RALGPS2: variants seen among roughly 807,000 people sequenced by gnomAD.
RALGPS2 encodes ras-specific guanine nucleotide-releasing factor RalGPS2.
A neutral mutation model predicts 86.8 loss-of-function variants in RALGPS2; 43 were observed. The ratio of observed to expected loss-of-function variants is 0.50; its 90% CI spans 0.39 to 0.64. The LOEUF is 0.64. Ranked by LOEUF, RALGPS2 falls within the 30% of genes least tolerant of loss-of-function variation. The probability of loss-of-function intolerance (pLI) is 0.00; values close to 1 mark genes in which losing one functional copy is unlikely to be tolerated. For synonymous variants in RALGPS2, 243 were observed against 231.3 expected (o/e 1.05, Z -0.46); for missense variants, 536 against 694.6 (o/e 0.77, Z 2.57).
intron 14 of RALGPS2, among the ~76,000 whole-genome samples, chr1:178,891,332 A>G (rs1659703081): frequency 6.6e-6 from 1 of 152,146 alleles, no homozygotes; most frequent in Non-Finnish European, 1.5e-5. Flanking sequence ...GAACTAGGAT[A>G]TAAAGTACTA....
chr1:178,901,019 G>A (rs986929386), intron 17 of RALGPS2, among the ~76,000 whole-genome samples: 3 of 152,064 alleles, frequency 2.0e-5, no homozygotes, highest in Non-Finnish European at 4.4e-5. Flanking sequence ...CAGCAGTCCT[G>A]TGGTAGGGCC....
chr1:178,900,860 G>C (rs1188112820), intron 17 of RALGPS2, among the ~76,000 whole-genome samples: 1 of 152,020 alleles, frequency 6.6e-6, no homozygotes, highest in Non-Finnish European at 1.5e-5. Flanking sequence ...TTGCACTCTA[G>C]TTTCATCCCT....
At position 178,728,485 on chromosome 1, in the gene RALGPS2, GAT is replaced by G. The variant is rs568448059; in HGVS notation, c.-84+3069_-84+3070del. 1.3e-3 allele frequency among the ~76,000 whole-genome samples: 185 copies of G among 145,238 alleles called. 1 individual carries two copies. The highest frequency in any genetic ancestry group is 4.3e-3 in the African/African-American group (169 of 39,372). ...TTAATGATACACAGTTTGAGAATAA[GAT>G]ATTGAAGTGTATCCATTTTTTGAAT... is the stretch of plus-strand genomic sequence containing the variant. On this transcript the variant is annotated intron_variant, in intron 1 of 19. Coordinates refer to ENST00000367635, the MANE Select transcript of RALGPS2 (RefSeq NM_152663.5).
At chr1:178,866,998 C>A (rs1029296767) in intron 8 of RALGPS2, among the ~76,000 whole-genome samples, 6 of 152,026 alleles carry the variant, frequency 3.9e-5, no homozygotes, top group African/African-American at 1.5e-4. Context: ...TATTACAGGC[C>A]ACCTTTTCAC....
chr1:178,853,264 G>C lies in RALGPS2; in HGVS notation c.607+19714G>C, dbSNP rs115780127. 8.8e-4 allele frequency: 842 copies of C among 958,214 alleles called. 9 individuals are homozygous for C. The African/African-American group carries it at 0.013, about 15-fold the overall frequency. The allele number at this position is 958,214 out of a possible 1,614,324, so 59.4% of individuals were successfully genotyped here. On this transcript the variant is annotated intron_variant, in intron 8 of 19. Coordinates refer to ENST00000367635, the MANE Select transcript of RALGPS2 (RefSeq NM_152663.5). ...AAAATATTAGCTAGTATACTACCCA[G>C]ATCCTTAAAAAGGGTTCCTGGTCTC...
intron 13 of RALGPS2, among the ~76,000 whole-genome samples, chr1:178,889,343 G>A (rs1227917328): frequency 1.3e-5 from 2 of 151,872 alleles, no homozygotes; most frequent in Admixed American, 6.6e-5. Flanking sequence ...GTTATTTTAT[G>A]TTCTCTAATG....
intron 1 of RALGPS2, among the ~76,000 whole-genome samples, chr1:178,760,781 T>C (rs148037884): frequency 3.9e-4 from 59 of 152,332 alleles, no homozygotes; most frequent in Non-Finnish European, 6.8e-4. Flanking sequence ...ATGTTCATTT[T>C]GCATAGTGTC....
chr1:178,740,878 C>T (rs1487388752), intron 1 of RALGPS2, among the ~76,000 whole-genome samples: 6 of 152,114 alleles, frequency 3.9e-5, no homozygotes, highest in Non-Finnish European at 7.4e-5. Flanking sequence ...TTGGGCAAAT[C>T]GCTTAAACTC....
chr1:178,800,928 C>CTT (rs200726651), intron 4 of RALGPS2, among the ~76,000 whole-genome samples: 10 of 142,546 alleles, frequency 7.0e-5, no homozygotes, highest in Admixed American at 7.1e-5. Context: ...TATTCCCAAT[C>CTT]TTTTTTTTTT....
Position 178,776,685 on chromosome 1 carries a change from T to A in RALGPS2, c.-80T>A. 6.2e-6 allele frequency: 6 copies of A among 974,758 alleles called. No homozygotes were observed. The highest frequency in any genetic ancestry group is 7.5e-6 in the Non-Finnish European group (5 of 662,990). The allele number at this position is 974,758 out of a possible 1,614,324, so 60.4% of individuals were successfully genotyped here. On this transcript the variant is annotated 5_prime_UTR_variant, in exon 2 of 20. Coordinates refer to ENST00000367635, the MANE Select transcript of RALGPS2 (RefSeq NM_152663.5). Reference sequence around the variant, plus strand: ...TAACTTTTTTTTTTTTTTACAGGAATAATGTATTTGTGGCCTTGGACATGA... The same window carrying A: ...TAACTTTTTTTTTTTTTTACAGGAAAAATGTATTTGTGGCCTTGGACATGA...
At chr1:178,756,263 G>A (rs1651951300) in intron 1 of RALGPS2, among the ~76,000 whole-genome samples, 1 of 151,968 alleles carries the variant, frequency 6.6e-6, no homozygotes, top group Non-Finnish European at 1.5e-5. Context: ...GTGTTTCCTA[G>A]GTTTTTTTCT....
chr1:178,811,120 C>T (rs906822638), intron 5 of RALGPS2, among the ~76,000 whole-genome samples, 195 bp from the exon 6 acceptor site: 2 of 151,832 alleles, frequency 1.3e-5, no homozygotes, highest in Non-Finnish European at 2.9e-5. Context: ...TGGGAATCTT[C>T]ACTTATGATT....
At chr1:178,748,162 A>C (rs1209518673) in intron 1 of RALGPS2, among the ~76,000 whole-genome samples, 1 of 152,010 alleles carries the variant, frequency 6.6e-6, no homozygotes, top group African/African-American at 2.4e-5. Context: ...TCTGCTAAAA[A>C]TACAAAAATT....
At chr1:178,739,737 A>G (rs1178663651) in intron 1 of RALGPS2, among the ~76,000 whole-genome samples, 2 of 152,232 alleles carry the variant, frequency 1.3e-5, no homozygotes, top group Non-Finnish European at 2.9e-5. Flanking sequence ...AAAAGGTGAC[A>G]GATAGAACTC....
At chr1:178,790,539 C>A (rs774122113) in intron 4 of RALGPS2, among the ~76,000 whole-genome samples, 1 of 152,132 alleles carries the variant, frequency 6.6e-6, no homozygotes, top group Non-Finnish European at 1.5e-5. Flanking sequence ...TATCCCTTAA[C>A]GCATGCTATT....
At chr1:178,748,200 A>T (rs1651447683) in intron 1 of RALGPS2, among the ~76,000 whole-genome samples, 1 of 152,006 alleles carries the variant, frequency 6.6e-6, no homozygotes, top group African/African-American at 2.4e-5. Context: ...TATGCCTGTA[A>T]TCCCAGCCAC....
chr1:178,780,616 TAAC>T (rs573595628), intron 2 of RALGPS2, among the ~76,000 whole-genome samples: 11 of 152,198 alleles, frequency 7.2e-5, no homozygotes, highest in Non-Finnish European at 1.5e-4. Flanking sequence ...ACTTGAAACT[TAAC>T]AGTCTAATGA....
intron 4 of RALGPS2, among the ~76,000 whole-genome samples, chr1:178,799,849 A>G (rs758849860): frequency 3.7e-4 from 57 of 152,296 alleles, no homozygotes; most frequent in Non-Finnish European, 6.8e-4. Context: ...AGATGCCATC[A>G]TTGTTAAAGA....
chr1:178,822,828 G>T (rs1237448061), intron 7 of RALGPS2, among the ~76,000 whole-genome samples: 1 of 151,660 alleles, frequency 6.6e-6, no homozygotes. Flanking sequence ...AGAATTATAC[G>T]CTGTGAAAAA....
Sources: allele counts gnomAD v4.1 joint callset (sites outside exome capture counted in the v4.1 genomes callset), GRCh38; gene constraint gnomAD v4.1.1; transcripts MANE v1.5; gene names NCBI Gene and HGNC (gene_info 2026-07-23, HGNC 2026-07-21).